PDYN: variants seen among roughly 807,000 people sequenced by gnomAD.
The protein encoded by PDYN is proenkephalin-B.
In PDYN, 5 loss-of-function variants were observed where a neutral mutation model predicts 11.4. The ratio of observed to expected loss-of-function variants is 0.44; its 90% CI spans 0.23 to 0.92. The LOEUF (loss-of-function observed/expected upper bound fraction) is 0.92, where lower values mean the gene tolerates loss of function less well. PDYN is among the 40% of genes least tolerant of loss of function. The pLI, the probability that PDYN is intolerant of heterozygous loss-of-function variation, is 0.24. For synonymous variants in PDYN, 132 were observed against 129.5 expected (o/e 1.02, Z -0.13); for missense variants, 337 against 317.3 (o/e 1.06, Z -0.47).
chr20:1,980,361 C>T lies in PDYN; in HGVS notation c.727G>A (p.Asp243Asn), dbSNP rs2122303556. 8 of 1,614,154 alleles carry T rather than the reference C, an allele frequency of 5.0e-6. No individual in the cohort carries two copies. The highest frequency in any genetic ancestry group is 6.8e-6 in the Non-Finnish European group (8 of 1,180,032). The change falls in exon 4 of 4, where the codon GAT becomes AAT. Residue 243 changes from aspartate to asparagine, a missense_variant. Asp to Asn is a conservative substitution (Grantham distance 23, BLOSUM62 1). Transcript: ENST00000217305. ...AGCTCTCCAGAGTAAGCATTCGGAT[C>T]TTCCTGAGACCGAGTCACCACCTTG... ...QFKVVTRSQE[D>N]PNAYSGELFD... is the part of the protein sequence containing the mutation.
rs1334176537 is a variant in PDYN at position 1,980,936 on chromosome 20, G to T, written c.152C>A (p.Ala51Asp). Residue 51 changes from alanine (A) to aspartate (D), a missense_variant, in exon 4 of 4, where the codon GCT (alanine) becomes GAT (aspartate). Physicochemically the swap from Ala to Asp is moderately radical, Grantham distance 126 (BLOSUM62 -2). Transcript: ENST00000217305. ...CCATTCCTCAGAGGGCAGCAGGGCA[G>T]CCTGGCATTGCAGGGAGCAAATCTG... ...NPLICSLQCQ[A>D]ALLPSEEWER... 1.2e-5 allele frequency: 20 copies of T among 1,614,154 alleles called. No homozygotes were observed. The highest frequency in any genetic ancestry group is 1.6e-5 in the Non-Finnish European group (19 of 1,180,034).
At chr20:1,990,166 T>C (rs2235755) in intron 2 of PDYN, among the ~76,000 whole-genome samples, 44,561 of 152,094 alleles carry the variant, frequency 0.29, 7,492 homozygotes, top group East Asian at 0.84. Context: ...ATTAGTTCCA[T>C]TTCCAGATGG....
chr20:1,982,925 T>C, intron 3 of PDYN, 31 bp downstream of exon 3: 1 of 1,610,946 alleles, frequency 6.2e-7, no homozygotes, highest in South Asian at 1.1e-5. Flanking sequence ...TCCAAGGACC[T>C]GGGCATTGAA....
At chr20:1,990,447 C>T (rs933977911) in intron 2 of PDYN, among the ~76,000 whole-genome samples, 1 of 152,176 alleles carries the variant, frequency 6.6e-6, no homozygotes, top group Non-Finnish European at 1.5e-5. Flanking sequence ...CCTGGAAAAG[C>T]GGTGCCCCTT....
chr20:1,979,634 GA>G lies in PDYN; in HGVS notation c.*688del, dbSNP rs1797382223. 6.5e-6 allele frequency: 1 copy of G among 153,884 alleles called. No homozygotes were observed. Among genetic ancestry groups the G allele is most frequent in the Non-Finnish European group, 1.4e-5 (1 of 69,210 alleles). The allele number at this position is 153,884 out of a possible 1,614,324, so 9.5% of individuals were successfully genotyped here. On this transcript the variant is annotated 3_prime_UTR_variant, in exon 4 of 4. Coordinates refer to ENST00000217305, the MANE Select transcript of PDYN (RefSeq NM_024411.5). ...GGAGTTCAGGAAGTCAGTTCTTCAA[GA>G]GGTGCTTTTCTGAACAATGAGGACT...
chr20:1,988,774 G>C (rs766814875), intron 2 of PDYN, among the ~76,000 whole-genome samples: 11 of 152,172 alleles, frequency 7.2e-5, no homozygotes, highest in Admixed American at 5.2e-4. Flanking sequence ...GGGGCTGATG[G>C]GGCAGTGGGG....
At chr20:1,985,385 G>A (rs1279709834) in intron 2 of PDYN, among the ~76,000 whole-genome samples, 1 of 151,912 alleles carries the variant, frequency 6.6e-6, no homozygotes, top group Non-Finnish European at 1.5e-5. Context: ...AATTGCCCAT[G>A]TTCTACCTCG....
chr20:1,991,787 C>A (rs1042058550), intron 2 of PDYN, among the ~76,000 whole-genome samples: 39 of 151,968 alleles, frequency 2.6e-4, no homozygotes, highest in African/African-American at 9.4e-4. Context: ...CAGGAATGAC[C>A]CAAGGAGGTG....
At chr20:1,992,431 G>A (rs1476428789) in intron 2 of PDYN, among the ~76,000 whole-genome samples, 153 bp downstream of exon 2, 1 of 152,168 alleles carries the variant, frequency 6.6e-6, no homozygotes, top group East Asian at 1.9e-4. Context: ...CCGCCACATA[G>A]CCTTGGGAAC....
At chr20:1,988,695 T>G (rs1988302476) in intron 2 of PDYN, among the ~76,000 whole-genome samples, 1 of 152,216 alleles carries the variant, frequency 6.6e-6, no homozygotes, top group South Asian at 2.1e-4. Flanking sequence ...TCCTTTGCAC[T>G]TGGCAGTTTG....
chr20:1,982,947 G>A lies in PDYN; in HGVS notation c.129+9C>T. 6.2e-7 allele frequency: 1 copy of A among 1,613,106 alleles called. No homozygotes were observed. The highest frequency in any genetic ancestry group is 1.1e-5 in the South Asian group (1 of 90,962). On this transcript the variant is annotated intron_variant, in intron 3 of 3. Coordinates refer to ENST00000217305, the MANE Select transcript of PDYN (RefSeq NM_024411.5). ...ACCTGGGCATTGAAGAACCTTGCCT[G>A]AAACCTACCAGGGGATTGATAGGTT...
chr20:1,989,301 C>G (rs976253244), intron 2 of PDYN, among the ~76,000 whole-genome samples: 8 of 152,130 alleles, frequency 5.3e-5, no homozygotes, highest in Admixed American at 5.2e-4. Flanking sequence ...GCTCTCCTGG[C>G]AAATACTGAG....
chr20:1,989,132 C>T (rs1371026317), intron 2 of PDYN, among the ~76,000 whole-genome samples: 9 of 152,298 alleles, frequency 5.9e-5, no homozygotes, highest in East Asian at 3.9e-4. Flanking sequence ...TTTCTTGAGT[C>T]CTCAGGCACT....
At position 1,982,967 on chromosome 20, in the gene PDYN, T is replaced by C. The variant is rs1280296282; in HGVS notation, c.118A>G (p.Ile40Val). 7 of 1,613,610 alleles carry C rather than the reference T, an allele frequency of 4.3e-6. No individual in the cohort carries two copies. The highest frequency in any genetic ancestry group is 4.5e-5 in the East Asian group (2 of 44,866). Residue 40 changes from isoleucine (I) to valine (V), a missense_variant, in exon 3 of 4, where the codon ATC becomes GTC. Physicochemically the swap from Ile to Val is conservative, Grantham distance 29. Transcript: ENST00000217305. ...TGCCTGAAACCTACCAGGGGATTGA[T>C]AGGTTTGGGACCATCCTGGGTCTTT... is the stretch of plus-strand genomic sequence containing the variant. ...AVKTQDGPKP[I>V]NPLICSLQCQ...
intron 2 of PDYN, among the ~76,000 whole-genome samples, chr20:1,987,243 T>G (rs1221569109): frequency 1.5e-5 from 2 of 136,598 alleles, no homozygotes; most frequent in African/African-American, 5.8e-5. Flanking sequence ...GAAGTTTGAG[T>G]GATTGATGAA....
At chr20:1,991,914 C>G (rs1207729027) in intron 2 of PDYN, among the ~76,000 whole-genome samples, 1 of 152,040 alleles carries the variant, frequency 6.6e-6, no homozygotes, top group Non-Finnish European at 1.5e-5. Flanking sequence ...GCACCAGCCC[C>G]TCAAATGAAA....
intron 2 of PDYN, among the ~76,000 whole-genome samples, chr20:1,984,090 T>C (rs1988016637): frequency 1.3e-5 from 2 of 152,368 alleles, no homozygotes; most frequent in East Asian, 1.9e-4. Context: ...GCCTCTTCCA[T>C]GAAAATAGTC....
chr20:1,984,669 C>T (rs139834660), intron 2 of PDYN, among the ~76,000 whole-genome samples: 59 of 152,252 alleles, frequency 3.9e-4, no homozygotes, highest in African/African-American at 1.2e-3. Context: ...GAGGCTGAGG[C>T]GGACAGATCA....
intron 3 of PDYN, 53 bp downstream of exon 3, chr20:1,982,903 G>A: frequency 6.3e-7 from 1 of 1,597,956 alleles, no homozygotes; most frequent in Non-Finnish European, 8.6e-7. Context: ...TCTCTGGGCT[G>A]CCTCGCACAG....
Sources: gnomAD v4.1 joint callset for allele counts (sites outside exome capture counted in the v4.1 genomes callset) on GRCh38, gnomAD v4.1.1 for gene constraint, MANE v1.5 for transcripts, NCBI Gene and HGNC (gene_info 2026-07-23, HGNC 2026-07-21) for gene names.